OTUB2: variants seen among roughly 807,000 people sequenced by gnomAD.
OTUB2 encodes the protein ubiquitin thioesterase OTUB2.
Under a neutral mutation model 25.1 loss-of-function variants are expected in OTUB2, and 21 were observed. That is an observed-to-expected ratio of 0.84 (90% confidence interval 0.59 to 1.21). The LOEUF is 1.21. Among genes scored for constraint, OTUB2 ranks in the 50% most tolerant of loss-of-function variants. OTUB2 has a pLI of 0.00. For synonymous variants in OTUB2, 122 were observed against 122.8 expected (o/e 0.99, Z 0.04); for missense variants, 283 against 298.0 (o/e 0.95, Z 0.37).
chr14:94,026,389 G>C lies in OTUB2; in HGVS notation c.-149G>C, dbSNP rs1884858246. 21 of 1,259,292 alleles carry C rather than the reference G, an allele frequency of 1.7e-5. No homozygotes were observed. The highest frequency in any genetic ancestry group is 1.1e-4 in the South Asian group (4 of 36,178). 78.0% of individuals were successfully genotyped at this position (1,259,292 alleles called of 1,614,324 possible). A position where few individuals can be genotyped will look rare whatever the true frequency, so the allele number is the denominator to read the frequency against. On this transcript the variant is annotated 5_prime_UTR_variant, in exon 1 of 6. Coordinates refer to ENST00000203664, the MANE Select transcript of OTUB2 (RefSeq NM_023112.4). ...AGTGGAGGTCTAACCTTTGGTTTGC[G>C]GAGCGGTCGGGTGTATTCTCCGCCG...
At chr14:94,038,641 C>A (rs1885103212) in intron 2 of OTUB2, among the ~76,000 whole-genome samples, 1 of 151,984 alleles carries the variant, frequency 6.6e-6, no homozygotes, top group Admixed American at 6.6e-5. Context: ...AAGGCTTCCC[C>A]AACTTCCAAA....
intron 3 of OTUB2, chr14:94,039,308 C>T: frequency 1.7e-6 from 1 of 577,362 alleles, no homozygotes; most frequent in South Asian, 2.2e-5. Context: ...AGATGCTTTC[C>T]AGCCTCTGCT....
chr14:94,039,999 G>T (rs1000843042), intron 3 of OTUB2, among the ~76,000 whole-genome samples: 1 of 152,112 alleles, frequency 6.6e-6, no homozygotes, highest in Admixed American at 6.5e-5. Context: ...CCTATGCATT[G>T]TAGGCCTATT....
intron 3 of OTUB2, among the ~76,000 whole-genome samples, chr14:94,040,971 G>A (rs1323222434): frequency 1.3e-5 from 2 of 152,216 alleles, no homozygotes; most frequent in East Asian, 3.9e-4. Flanking sequence ...GGGAGCCACC[G>A]AGGGATTGCG....
intron 3 of OTUB2, among the ~76,000 whole-genome samples, chr14:94,039,682 C>T (rs1885122977): frequency 6.6e-6 from 1 of 152,046 alleles, no homozygotes; most frequent in Non-Finnish European, 1.5e-5. Context: ...CCAGTGGGAG[C>T]AGGGCAGAGC....
intron 2 of OTUB2, among the ~76,000 whole-genome samples, chr14:94,038,409 G>C (rs992037309): frequency 2.0e-5 from 3 of 152,220 alleles, no homozygotes; most frequent in Admixed American, 6.5e-5. Context: ...CATGGCTATG[G>C]GGGGAACAGG....
At chr14:94,030,814 T>TGGGGGG (rs540778411) in intron 1 of OTUB2, among the ~76,000 whole-genome samples, 37 of 127,360 alleles carry the variant, frequency 2.9e-4, no homozygotes, top group African/African-American at 4.9e-4. Context: ...GGCAGAGTGA[T>TGGGGGG]GGGGAGGGTG....
rs1258973822 is a variant in OTUB2, at chr14:94,046,882, GACT to G, written c.*961_*963del. On this transcript the variant is annotated 3_prime_UTR_variant, in exon 6 of 6. Coordinates refer to ENST00000203664, the MANE Select transcript of OTUB2 (RefSeq NM_023112.4). ...CTTTCCCGCTTCTGCTCTCTTTATG[GACT>G]GGTCAGAGGGTAGGTGGGAAAGAAC... 1.3e-5 allele frequency: 2 copies of G among 152,046 alleles called. No individual in the cohort carries two copies. The highest frequency in any genetic ancestry group is 4.9e-5 in the African/African-American group (2 of 41,214). The allele number at this position is 152,046 out of a possible 1,614,324, so 9.4% of individuals were successfully genotyped here.
chr14:94,034,793 C>T (rs761204849), intron 1 of OTUB2, among the ~76,000 whole-genome samples: 6 of 152,180 alleles, frequency 3.9e-5, no homozygotes, highest in African/African-American at 9.7e-5. Flanking sequence ...AGGAGTAGAA[C>T]GTTCCATCTC....
rs1375110513 is a variant in OTUB2 at position 94,046,062 on chromosome 14, A to C, written c.*140A>C. On this transcript the variant is annotated 3_prime_UTR_variant, in exon 6 of 6. Transcript: ENST00000203664. Reference sequence around the variant, plus strand: ...CTTTTGGGCAAAGCCCCTGGGAACGAGGCCTATCCACTATGGACTATGGTA... The same window carrying C: ...CTTTTGGGCAAAGCCCCTGGGAACGCGGCCTATCCACTATGGACTATGGTA... 1 of 892,062 alleles carries C rather than the reference A, an allele frequency of 1.1e-6. No individual in the cohort carries two copies. Among genetic ancestry groups the C allele is most frequent in the Admixed American group, 2.2e-5 (1 of 45,592 alleles). The allele number at this position is 892,062 out of a possible 1,614,324, so 55.3% of individuals were successfully genotyped here. A position where few individuals can be genotyped will look rare whatever the true frequency, so the allele number is the denominator to read the frequency against.
At chr14:94,040,111 G>A (rs1201728634) in intron 3 of OTUB2, among the ~76,000 whole-genome samples, 8 of 151,972 alleles carry the variant, frequency 5.3e-5, no homozygotes, top group South Asian at 2.1e-4. Context: ...AACCTCTTTC[G>A]GTGGAAAAAA....
intron 2 of OTUB2, among the ~76,000 whole-genome samples, 183 bp downstream of exon 2, chr14:94,037,658 A>T (rs963474840): frequency 1.4e-5 from 2 of 143,692 alleles, no homozygotes; most frequent in Admixed American, 1.5e-4. Context: ...CCAAAAAAAA[A>T]AAAAGGATTT....
chr14:94,037,171 C>T (rs568269426), intron 1 of OTUB2, among the ~76,000 whole-genome samples: 217 of 152,256 alleles, frequency 1.4e-3, no homozygotes, highest in African/African-American at 5.0e-3. Context: ...TATCTCTTCA[C>T]GATGGCCCCG....
At chr14:94,029,810 A>G (rs2141406569) in intron 1 of OTUB2, among the ~76,000 whole-genome samples, 1 of 152,318 alleles carries the variant, frequency 6.6e-6, no homozygotes, top group Non-Finnish European at 1.5e-5. Context: ...TTGGCATTCC[A>G]GTGGAGGGAG....
intron 1 of OTUB2, among the ~76,000 whole-genome samples, chr14:94,037,023 T>C (rs939531250): frequency 2.0e-5 from 3 of 152,178 alleles, no homozygotes; most frequent in Admixed American, 2.0e-4. Flanking sequence ...AATGAATGAA[T>C]GCATGAATGA....
chr14:94,028,318 T>C (rs553073902), intron 1 of OTUB2, among the ~76,000 whole-genome samples: 2 of 152,264 alleles, frequency 1.3e-5, no homozygotes, highest in African/African-American at 4.8e-5. Flanking sequence ...TGCTGCATGG[T>C]GGGTTTTTAT....
At chr14:94,044,156 G>A in intron 4 of OTUB2, 101 bp downstream of exon 4, 1 of 1,233,102 alleles carries the variant, frequency 8.1e-7, no homozygotes, top group Non-Finnish European at 1.2e-6. Flanking sequence ...TCCTGGCTGG[G>A]GAAGGACAGA....
Position 94,045,820 on chromosome 14 carries a change from C to T in OTUB2, c.603C>T (p.Thr201=), listed in dbSNP as rs761862462. The T allele has an allele frequency of 2.8e-5, 46 of 1,614,076 alleles. No individual in the cohort carries two copies. Among genetic ancestry groups the T allele is most frequent in the Non-Finnish European group, 3.5e-5 (41 of 1,180,040 alleles). Reference sequence around the variant, plus strand: ...TGGAGTACGTGGACGAGATGGATACCGCCCTGAACCACCACGTGTTCCCTG... The same window carrying T: ...TGGAGTACGTGGACGAGATGGATACTGCCCTGAACCACCACGTGTTCCCTG... ...LQVEYVDEMD[T]ALNHHVFPEA... The change falls in exon 6 of 6, where the codon ACC becomes ACT. Residue 201 remains threonine (T), a synonymous_variant. Transcript: ENST00000203664.
At chr14:94,030,712 C>T (rs34025320) in intron 1 of OTUB2, among the ~76,000 whole-genome samples, 4,696 of 151,268 alleles carry the variant, frequency 0.031, 102 homozygotes, top group Non-Finnish European at 0.047. Flanking sequence ...GTTACCGTGG[C>T]GAGAGGGACT....
Sources: allele counts gnomAD v4.1 joint callset (sites outside exome capture counted in the v4.1 genomes callset), GRCh38; gene constraint gnomAD v4.1.1; transcripts MANE v1.5; gene names NCBI Gene and HGNC (gene_info 2026-07-23, HGNC 2026-07-21).